The following CATSPERB variants were observed in gnomAD, a reference collection of about 807,000 sequenced individuals.
The protein encoded by CATSPERB is catsper channel auxiliary subunit beta.
In CATSPERB, 93 loss-of-function variants were observed where a neutral mutation model predicts 128.3. The observed-to-expected ratio is 0.72, with a 90% CI of 0.61 to 0.86. The LOEUF (loss-of-function observed/expected upper bound fraction) is 0.86, where lower values mean the gene tolerates loss of function less well. Ranked by LOEUF, CATSPERB falls within the 40% of genes least tolerant of loss-of-function variation. The pLI, the probability that CATSPERB is intolerant of heterozygous loss-of-function variation, is 0.00. For missense variants in CATSPERB, 1,153 were observed against 1,329.5 expected (o/e 0.87, Z 2.06); for synonymous variants, 381 against 448.8 (o/e 0.85, Z 1.91).
intron 15 of CATSPERB, among the ~76,000 whole-genome samples, chr14:91,654,414 C>T (rs12896922): frequency 0.58 from 88,722 of 152,026 alleles, 26,630 homozygotes; most frequent in East Asian, 0.77. Context: ...CAGCATTCAC[C>T]AGAAGCTGAC....
At chr14:91,721,865 A>G (rs1255241140) in intron 4 of CATSPERB, among the ~76,000 whole-genome samples, 1 of 151,458 alleles carries the variant, frequency 6.6e-6, no homozygotes, top group Non-Finnish European at 1.5e-5. Context: ...AAAAAAAAAA[A>G]AGACAAATAA....
At chr14:91,584,003 C>T (rs1893253035) in intron 26 of CATSPERB, among the ~76,000 whole-genome samples, 1 of 152,156 alleles carries the variant, frequency 6.6e-6, no homozygotes, top group Admixed American at 6.5e-5. Flanking sequence ...CTCCCTCGGC[C>T]TCCCAAATAG....
At chr14:91,652,293 C>CA (rs1416409588) in intron 15 of CATSPERB, among the ~76,000 whole-genome samples, 4 of 151,702 alleles carry the variant, frequency 2.6e-5, no homozygotes, top group Non-Finnish European at 5.9e-5. Context: ...AAAGAATTTA[C>CA]AAAAAAGGAT....
intron 9 of CATSPERB, among the ~76,000 whole-genome samples, chr14:91,692,631 A>T (rs1895491857): frequency 2.0e-5 from 3 of 152,084 alleles, no homozygotes; most frequent in Non-Finnish European, 4.4e-5. Context: ...CCAAGTCTTT[A>T]TTGCTTGTCT....
At chr14:91,661,792 G>T (rs1327997068) in intron 14 of CATSPERB, among the ~76,000 whole-genome samples, 1 of 151,882 alleles carries the variant, frequency 6.6e-6, no homozygotes, top group Non-Finnish European at 1.5e-5. Context: ...CCGAAGTGCT[G>T]GTATCACAGG....
intron 14 of CATSPERB, among the ~76,000 whole-genome samples, chr14:91,664,021 G>T (rs1426781729): frequency 1.3e-5 from 2 of 152,060 alleles, no homozygotes; most frequent in Non-Finnish European, 2.9e-5. Context: ...TTAGACAAAC[G>T]TGTAATGGCA....
chr14:91,655,063 C>T (rs1006839871), intron 15 of CATSPERB, among the ~76,000 whole-genome samples: 3 of 151,972 alleles, frequency 2.0e-5, no homozygotes, highest in Admixed American at 2.0e-4. Context: ...TACATAAGAC[C>T]ACCAAGGCAG....
chr14:91,652,573 A>C (rs985712891), intron 15 of CATSPERB, among the ~76,000 whole-genome samples: 5 of 145,798 alleles, frequency 3.4e-5, no homozygotes, highest in African/African-American at 1.3e-4. Context: ...CGGGAGGCTG[A>C]GGCAGGAGAA....
rs55687285 is a variant in CATSPERB at position 91,619,861 on chromosome 14, TTGTGTGTGTGTGTGTGTG to T, written c.2260+1729_2260+1746del. 1.5e-3 allele frequency among the ~76,000 whole-genome samples: 202 copies of T among 139,122 alleles called. 1 individual carries two copies. The highest frequency in any genetic ancestry group is 5.7e-3 in the East Asian group (26 of 4,592). The allele number at this position is 139,122 out of a possible 152,430, so 91.3% of individuals were successfully genotyped here. On this transcript the variant is annotated intron_variant, in intron 19 of 26. Coordinates refer to ENST00000256343, the MANE Select transcript of CATSPERB (RefSeq NM_024764.4). ...AAAATATATTTTTAATGTAATAAAA[TTGTGTGTGTGTGTGTGTG>T]TGTGTGTGTGTGTGTGTGTGTGTGT...
At position 91,723,084 on chromosome 14, in the gene CATSPERB, T is replaced by C. The variant is rs1279488578; in HGVS notation, c.274A>G (p.Thr92Ala). 6.5e-7 allele frequency: 1 copy of C among 1,542,908 alleles called. No homozygotes were observed. Among genetic ancestry groups the C allele is most frequent in the East Asian group, 2.4e-5 (1 of 41,570 alleles). ...LAPSLGIMNS[T>A]YNGIFHFNLT... ...TTAAAGTGGAAGATGCCATTATATGTACTATTCATGATTCCCAAGCTGGGA... is the reference window on the plus strand; with the variant it reads ...TTAAAGTGGAAGATGCCATTATATGCACTATTCATGATTCCCAAGCTGGGA... The change falls in exon 4 of 27, where the codon ACA (threonine) becomes GCA (alanine). Residue 92 changes from threonine to alanine, a missense_variant. Physicochemically the swap from Thr to Ala is moderately conservative, Grantham distance 58. Coordinates refer to ENST00000256343, the MANE Select transcript of CATSPERB (RefSeq NM_024764.4).
At chr14:91,687,058 G>GTA (rs969643614) in intron 10 of CATSPERB, among the ~76,000 whole-genome samples, 1 of 151,966 alleles carries the variant, frequency 6.6e-6, no homozygotes, top group African/African-American at 2.4e-5. Context: ...AGGAAGAAAA[G>GTA]TATATATATT....
chr14:91,645,468 T>C (rs1348862704), intron 15 of CATSPERB, among the ~76,000 whole-genome samples: 2 of 60,026 alleles, frequency 3.3e-5, no homozygotes, highest in Non-Finnish European at 6.7e-5. Flanking sequence ...TACCCTGCCG[T>C]GTGAGGTGTC....
intron 17 of CATSPERB, among the ~76,000 whole-genome samples, chr14:91,626,248 T>C (rs1894157944): frequency 6.6e-6 from 1 of 152,204 alleles, no homozygotes. Flanking sequence ...AATTACTTTT[T>C]TCCCTCAATT....
chr14:91,691,258 G>T (rs1231423249), intron 10 of CATSPERB, among the ~76,000 whole-genome samples: 2 of 152,140 alleles, frequency 1.3e-5, no homozygotes, highest in Non-Finnish European at 2.9e-5. Flanking sequence ...AGGAAACGGG[G>T]TGGGGGTGAC....
rs1037739514 is a variant in CATSPERB at position 91,595,435 on chromosome 14, G to A, written c.2710-3433C>T. 1.4e-4 allele frequency among the ~76,000 whole-genome samples: 22 copies of A among 152,052 alleles called. 2 individuals are homozygous for A. Among genetic ancestry groups the A allele is most frequent in the Non-Finnish European group, 2.9e-5 (2 of 68,012 alleles). On this transcript the variant is annotated intron_variant, in intron 22 of 26. Coordinates refer to ENST00000256343, the MANE Select transcript of CATSPERB (RefSeq NM_024764.4). The stretch of plus-strand genomic sequence containing the variant: ...GCCCATCTCGGCCTCCCAAGGTGCT[G>A]GGATTACAGGCATGAGCCACCGCAC...
intron 19 of CATSPERB, among the ~76,000 whole-genome samples, chr14:91,620,962 A>C (rs1373378110): frequency 6.6e-6 from 1 of 152,242 alleles, no homozygotes; most frequent in Admixed American, 6.5e-5. Context: ...CAAAGTAATT[A>C]AAAAGTTTTC....
chr14:91,668,870 C>T (rs1642746081), intron 14 of CATSPERB, among the ~76,000 whole-genome samples: 1 of 152,206 alleles, frequency 6.6e-6, no homozygotes, highest in African/African-American at 2.4e-5. Context: ...AAACTCTGGA[C>T]ACACCATCTT....
In CATSPERB at chr14:91,729,397, T is replaced by C; in HGVS notation, c.79+4A>G. ...AATAGAGAGTAAGATGGTCTGAAAC[T>C]TACCTTTATTATATACTATTCCTGA... On this transcript the variant is annotated splice_donor_region_variant and intron_variant, in intron 2 of 26. Coordinates refer to ENST00000256343, the MANE Select transcript of CATSPERB (RefSeq NM_024764.4). The C allele has an allele frequency of 7.5e-7, 1 of 1,325,972 alleles. No homozygotes were observed. 82.1% of individuals were successfully genotyped at this position (1,325,972 alleles called of 1,614,324 possible).
chr14:91,721,371 A>C (rs1028730880), intron 4 of CATSPERB, among the ~76,000 whole-genome samples: 3 of 152,210 alleles, frequency 2.0e-5, no homozygotes, highest in Non-Finnish European at 4.4e-5. Context: ...GCTTTTACAA[A>C]TCAAAAACAC....
Sources: gnomAD v4.1 joint callset for allele counts (sites outside exome capture counted in the v4.1 genomes callset) on GRCh38, gnomAD v4.1.1 for gene constraint, MANE v1.5 for transcripts, NCBI Gene and HGNC (gene_info 2026-07-23, HGNC 2026-07-21) for gene names.